The following FAXC variants were observed in gnomAD, a reference collection of about 807,000 sequenced individuals.
The protein encoded by FAXC is failed axon connections homolog.
FAXC carries 10 observed loss-of-function variants against 41.9 expected under a neutral mutation model. The observed-to-expected ratio is 0.24, with a 90% confidence interval of 0.15 to 0.41. FAXC has a LOEUF of 0.41. FAXC is among the 10% of genes least tolerant of loss of function. FAXC has a pLI of 1.00. For missense variants in FAXC, 399 were observed against 510.9 expected (o/e 0.78, Z 2.11); for synonymous variants, 183 against 183.8 (o/e 1.00, Z 0.03).
At chr6:99,284,863 G>A (rs1031381831) in intron 5 of FAXC, among the ~76,000 whole-genome samples, 13 of 151,204 alleles carry the variant, frequency 8.6e-5, no homozygotes, top group Non-Finnish European at 5.9e-5. Context: ...GCAGTGAGCC[G>A]AGATCCTGCC....
At chr6:99,302,703 A>G in intron 4 of FAXC, among the ~76,000 whole-genome samples, 1 of 152,130 alleles carries the variant, frequency 6.6e-6, no homozygotes, top group East Asian at 1.9e-4. Flanking sequence ...GGTCCAGCCT[A>G]CACTCACAGG....
intron 4 of FAXC, among the ~76,000 whole-genome samples, chr6:99,311,902 G>C (rs1445743299): frequency 6.6e-6 from 1 of 152,092 alleles, no homozygotes; most frequent in Non-Finnish European, 1.5e-5. Context: ...TAAGTCATTA[G>C]CCACTTTTAA....
intron 4 of FAXC, among the ~76,000 whole-genome samples, chr6:99,323,178 G>C (rs1193895049): frequency 6.6e-6 from 1 of 152,190 alleles, no homozygotes; most frequent in Non-Finnish European, 1.5e-5. Context: ...AGCATCACTT[G>C]CAGCCAGGTG....
chr6:99,284,559 CTGTGTGTGTGTGTGTGTG>C (rs74553398), intron 5 of FAXC, among the ~76,000 whole-genome samples: 31 of 118,910 alleles, frequency 2.6e-4, no homozygotes, highest in African/African-American at 1.1e-3. Flanking sequence ...TGTGGAGTGT[CTGTGTGTGTGTGTGTGTG>C]TGTGTGTGTG....
At chr6:99,313,213 A>C (rs527671236) in intron 4 of FAXC, among the ~76,000 whole-genome samples, 3 of 152,248 alleles carry the variant, frequency 2.0e-5, no homozygotes, top group Non-Finnish European at 4.4e-5. Context: ...GGATCGCTTG[A>C]GCCCAGGAGA....
intron 4 of FAXC, among the ~76,000 whole-genome samples, chr6:99,311,385 G>A (rs1263242108): frequency 2.0e-5 from 3 of 152,088 alleles, no homozygotes; most frequent in Admixed American, 1.3e-4. Context: ...GACCAGCCTG[G>A]CCAAGATGGT....
At chr6:99,338,568 C>T (rs1773303921) in intron 2 of FAXC, among the ~76,000 whole-genome samples, 2 of 152,152 alleles carry the variant, frequency 1.3e-5, no homozygotes, top group African/African-American at 4.8e-5. Flanking sequence ...CAGCACTGCA[C>T]AAAATTCAGG....
At chr6:99,317,273 C>T (rs1772394897) in intron 4 of FAXC, among the ~76,000 whole-genome samples, 1 of 152,140 alleles carries the variant, frequency 6.6e-6, no homozygotes, top group Non-Finnish European at 1.5e-5. Flanking sequence ...AGCATTTCAT[C>T]CTAGAGGCTG....
chr6:99,309,362 T>C lies in FAXC; in HGVS notation c.823+14082A>G, dbSNP rs150127487. ...GACCAGATAGAGCCTGTCAGAATTG[T>C]AGCAATCCGTTTGTATCGCTAAGTA... On this transcript the variant is annotated intron_variant, in intron 4 of 5. Coordinates refer to ENST00000389677, the MANE Select transcript of FAXC (RefSeq NM_032511.4). Among the ~76,000 whole-genome samples the C allele has an allele frequency of 8.5e-5, 13 of 152,346 alleles. No homozygotes were observed. In the East Asian group the frequency reaches 1.3e-3, roughly 16 times the overall value.
At chr6:99,323,707 T>C (rs1772678678) in intron 3 of FAXC, 40 bp from the exon 4 acceptor site, 1 of 1,500,438 alleles carries the variant, frequency 6.7e-7, no homozygotes, top group Admixed American at 1.7e-5. Flanking sequence ...GTGCATCAGG[T>C]ACATATCAGC....
chr6:99,337,594 C>T (rs934794941), intron 2 of FAXC, among the ~76,000 whole-genome samples: 7 of 152,174 alleles, frequency 4.6e-5, no homozygotes, highest in African/African-American at 1.7e-4. Flanking sequence ...ATATCATCTA[C>T]ACATAATCAG....
chr6:99,314,041 G>C (rs1332817221), intron 4 of FAXC, among the ~76,000 whole-genome samples: 1 of 152,014 alleles, frequency 6.6e-6, no homozygotes, highest in African/African-American at 2.4e-5. Context: ...TCAGGCTGGG[G>C]TGCAGTGGCT....
chr6:99,291,792 C>G lies in FAXC; in HGVS notation c.852G>C (p.Lys284Asn). ...AGACAGTGGCGTCAAGAGTGGAAAG[C>G]TTGGGCCCCATGATGTACTTCTTAT... ...LGDKKYIMGP[K>N]LSTLDATVFG... Residue 284 changes from lysine (K) to asparagine (N), a missense_variant, in exon 5 of 6, where the codon AAG becomes AAC. Around this residue, in one of 3 missense-constraint regions of FAXC, gnomAD observed 239 missense variants for 352.7 expected, o/e 0.68. Transcript: ENST00000389677. 2 of 1,614,144 alleles carry G rather than the reference C, an allele frequency of 1.2e-6. No individual in the cohort carries two copies. Among genetic ancestry groups the G allele is most frequent in the Non-Finnish European group, 1.7e-6 (2 of 1,180,018 alleles).
At chr6:99,328,108 T>C (rs779868289) in intron 3 of FAXC, among the ~76,000 whole-genome samples, 5 of 152,208 alleles carry the variant, frequency 3.3e-5, no homozygotes, top group Non-Finnish European at 5.9e-5. Context: ...AACCCCTCTA[T>C]GACCTGGCCC....
At chr6:99,320,492 T>C (rs1367445455) in intron 4 of FAXC, among the ~76,000 whole-genome samples, 2 of 152,204 alleles carry the variant, frequency 1.3e-5, no homozygotes, top group Non-Finnish European at 2.9e-5. Context: ...TCACTATGCC[T>C]GTCTCCTGTC....
chr6:99,309,903 C>G (rs915354684), intron 4 of FAXC: 8 of 984,746 alleles, frequency 8.1e-6, no homozygotes, highest in African/African-American at 5.2e-5. Context: ...ATTCTTCTGG[C>G]ATGTGACATT....
Position 99,284,598 on chromosome 6 carries a change from T to TGAGA in FAXC, c.941-3146_941-3145insTCTC, listed in dbSNP as rs777636999. Among the ~76,000 whole-genome samples, 7 of 142,948 alleles carry TGAGA rather than the reference T, an allele frequency of 4.9e-5. 1 individual carries two copies. The South Asian group carries it at 1.1e-3, about 23-fold the overall frequency. 93.8% of individuals were successfully genotyped at this position (142,948 alleles called of 152,430 possible). ...GTGTGTGTGTGTGTGTGTGTGTGTG[T>TGAGA]GATAAGCCTGTGTTAATATAAATGC... On this transcript the variant is annotated intron_variant, in intron 5 of 5. Coordinates refer to ENST00000389677, the MANE Select transcript of FAXC (RefSeq NM_032511.4).
chr6:99,340,391 AGCCTG>A (rs1168498661), intron 2 of FAXC, among the ~76,000 whole-genome samples: 1 of 152,120 alleles, frequency 6.6e-6, no homozygotes, highest in African/African-American at 2.4e-5. Flanking sequence ...ATGAGCCACC[AGCCTG>A]GCCTAATATT....
At chr6:99,290,612 G>A (rs1371475338) in intron 5 of FAXC, among the ~76,000 whole-genome samples, 3 of 151,592 alleles carry the variant, frequency 2.0e-5, no homozygotes, top group Non-Finnish European at 4.4e-5. Flanking sequence ...TGAGGCAGGA[G>A]AATCTCTTGA....
Sources: gnomAD v4.1 joint callset for allele counts (sites outside exome capture counted in the v4.1 genomes callset) on GRCh38, gnomAD v4.1.1 for gene constraint, gnomAD v4.1.1 regional missense constraint, MANE v1.5 for transcripts, NCBI Gene and HGNC (gene_info 2026-07-23, HGNC 2026-07-21) for gene names.